The following SORBS2 variants were observed in gnomAD, a reference collection of about 807,000 sequenced individuals.
SORBS2 encodes sorbin and SH3 domain-containing protein 2.
A neutral mutation model predicts 97.7 loss-of-function variants in SORBS2; 46 were observed. That is an observed-to-expected ratio of 0.47 (90% CI 0.37 to 0.60). The LOEUF is 0.60. SORBS2 is among the 20% of genes least tolerant of loss of function. The probability of loss-of-function intolerance (pLI) is 0.00; values close to 1 mark genes in which losing one functional copy is unlikely to be tolerated. For synonymous variants in SORBS2, 476 were observed against 473.4 expected (o/e 1.01, Z -0.07); for missense variants, 1,316 against 1,282.3 (o/e 1.03, Z -0.40).
chr4:185,669,555 C>T (rs889511672), intron 4 of SORBS2, among the ~76,000 whole-genome samples: 1 of 152,000 alleles, frequency 6.6e-6, no homozygotes, highest in African/African-American at 2.4e-5. Flanking sequence ...GAGTGCATGG[C>T]CAGGCCTCAG....
At chr4:185,753,930 C>G (rs1241788213) in intron 2 of SORBS2, among the ~76,000 whole-genome samples, 1 of 152,140 alleles carries the variant, frequency 6.6e-6, no homozygotes, top group African/African-American at 2.4e-5. Context: ...ATCATTGACC[C>G]AGTAATCCCA....
chr4:185,666,037 G>C, intron 4 of SORBS2: 1 of 1,289,686 alleles, frequency 7.8e-7, no homozygotes, highest in African/African-American at 1.5e-5. Flanking sequence ...ACCATCGGGG[G>C]GCGGAAGGCT....
chr4:185,785,765 T>C (rs1032587772), intron 1 of SORBS2, among the ~76,000 whole-genome samples: 3 of 152,340 alleles, frequency 2.0e-5, no homozygotes, highest in Admixed American at 2.0e-4. Context: ...GTTTCCATCA[T>C]CATCTTAAGA....
At chr4:185,831,194 C>G (rs540176708) in intron 1 of SORBS2, among the ~76,000 whole-genome samples, 1 of 152,296 alleles carries the variant, frequency 6.6e-6, no homozygotes, top group Admixed American at 6.5e-5. Flanking sequence ...AATAATTAGA[C>G]AGCAAAAGGG....
At chr4:185,624,262 G>T (rs369888004) in exon 7 of SORBS2, 8 of 1,614,164 alleles carry the variant, frequency 5.0e-6, no homozygotes, top group South Asian at 3.3e-5. Context: ...TTAGGAGATC[G>T]TCACAGCTCC....
chr4:185,923,347 G>C (rs1480106082), intron 1 of SORBS2, among the ~76,000 whole-genome samples: 1 of 152,126 alleles, frequency 6.6e-6, no homozygotes, highest in Non-Finnish European at 1.5e-5. Context: ...TTGTCACCCA[G>C]GCTGGAGTGC....
chr4:185,872,142 G>C (rs1412066774), intron 1 of SORBS2, among the ~76,000 whole-genome samples: 1 of 152,120 alleles, frequency 6.6e-6, no homozygotes. Flanking sequence ...TGTTCTGAAG[G>C]CACCCTTAAT....
chr4:185,815,536 C>T (rs932063823), intron 1 of SORBS2, among the ~76,000 whole-genome samples: 17 of 152,128 alleles, frequency 1.1e-4, no homozygotes, highest in African/African-American at 4.1e-4. Flanking sequence ...TAGAATACCA[C>T]ACCATAATAT....
At chr4:185,806,795 G>T (rs1006978266) in intron 1 of SORBS2, among the ~76,000 whole-genome samples, 1 of 152,136 alleles carries the variant, frequency 6.6e-6, no homozygotes, top group African/African-American at 2.4e-5. Flanking sequence ...TGGACTCCTT[G>T]CGGCTAATCC....
intron 2 of SORBS2, among the ~76,000 whole-genome samples, chr4:185,736,583 G>C (rs780862885): frequency 6.6e-6 from 1 of 152,196 alleles, no homozygotes; most frequent in Non-Finnish European, 1.5e-5. Context: ...TTTCCTAAAT[G>C]AAACCAGTGC....
intron 1 of SORBS2, among the ~76,000 whole-genome samples, chr4:185,858,127 C>G (rs1311147121): frequency 6.6e-6 from 1 of 152,164 alleles, no homozygotes; most frequent in Non-Finnish European, 1.5e-5. Context: ...CCCCTGGAGG[C>G]CCAGCTGTAA....
chr4:185,789,579 TTAAA>T (rs2099071413), intron 1 of SORBS2, among the ~76,000 whole-genome samples: 2 of 151,064 alleles, frequency 1.3e-5, no homozygotes, highest in Non-Finnish European at 3.0e-5. Context: ...CTTATAATGT[TTAAA>T]TATAAATTAT....
chr4:185,944,847 G>T (rs776859715), intron 1 of SORBS2, among the ~76,000 whole-genome samples: 2 of 152,154 alleles, frequency 1.3e-5, no homozygotes, highest in African/African-American at 2.4e-5. Flanking sequence ...CCATGGCACA[G>T]GTAAGTGCAA....
At chr4:185,827,159 TCACC>T (rs1442668705) in intron 1 of SORBS2, among the ~76,000 whole-genome samples, 1 of 42,460 alleles carries the variant, frequency 2.4e-5, no homozygotes, top group African/African-American at 8.4e-5. Flanking sequence ...ATCATCATCA[TCACC>T]ATCATCACCA....
chr4:185,616,651 A>C (rs911999166), intron 9 of SORBS2, among the ~76,000 whole-genome samples: 5 of 152,220 alleles, frequency 3.3e-5, no homozygotes, highest in Admixed American at 3.3e-4. Context: ...TGAAGTCCTT[A>C]AGACACAGGA....
Position 185,678,825 on chromosome 4 carries a change from G to GAAAAA in SORBS2, c.-197-4_-197-3insTTTTT. 6.9e-7 allele frequency: 1 copy of GAAAAA among 1,441,282 alleles called. No homozygotes were observed. Among genetic ancestry groups the GAAAAA allele is most frequent in the African/African-American group, 1.5e-5 (1 of 68,166 alleles). The allele number at this position is 1,441,282 out of a possible 1,614,324, so 89.3% of individuals were successfully genotyped here. A position where few individuals can be genotyped will look rare whatever the true frequency, so the allele number is the denominator to read the frequency against. ...GTCTGGTGACTGAGAATCACGCCCTGAAAGAAAAAAAAATGTTGAAATTAA... is the reference window on the plus strand; with the variant it reads ...GTCTGGTGACTGAGAATCACGCCCTGAAAAAAAAGAAAAAAAAATGTTGAAATTAA... On this transcript the variant is annotated splice_polypyrimidine_tract_variant and splice_region_variant and intron_variant, in intron 2 of 20. Transcript: ENST00000284776.
In SORBS2 at chr4:185,607,420, A is replaced by C; in HGVS notation, c.2796+4360T>G. On this transcript the variant is annotated intron_variant, in intron 12 of 14. Coordinates refer to ENST00000418609, the Ensembl canonical transcript of SORBS2. The surrounding 1 kb of genome is among the most constrained non-coding windows in gnomAD (Gnocchi z 5.2). ...GAAAATAATAATAATGCATCAAAAC[A>C]TAGCGATGGAGAAATGCAGAAAAGA... 5.1e-6 allele frequency: 4 copies of C among 790,574 alleles called. No individual in the cohort carries two copies. Among genetic ancestry groups the C allele is most frequent in the Non-Finnish European group, 5.5e-6 (3 of 542,828 alleles). 49.0% of individuals were successfully genotyped at this position (790,574 alleles called of 1,614,324 possible).
intron 1 of SORBS2, among the ~76,000 whole-genome samples, chr4:185,839,089 T>C (rs1189936066): frequency 1.3e-5 from 2 of 152,212 alleles, no homozygotes; most frequent in African/African-American, 2.4e-5. Context: ...GGGAGAACAC[T>C]GCTCTTTCTC....
chr4:185,811,151 A>G (rs939950929), intron 1 of SORBS2: 1 of 152,232 alleles, frequency 6.6e-6, no homozygotes, highest in South Asian at 2.1e-4. Context: ...GTCCAGGGTA[A>G]GCAAGTACAA....
Sources: gnomAD v4.1 joint callset for allele counts (sites outside exome capture counted in the v4.1 genomes callset) on GRCh38, gnomAD v4.1.1 for gene constraint, Gnocchi (gnomAD v3.1) non-coding constraint, MANE v1.5 for transcripts, NCBI Gene and HGNC (gene_info 2026-07-23, HGNC 2026-07-21) for gene names.